Variants in TLR4 observed in about 807,000 individuals in gnomAD.
TLR4 encodes toll-like receptor 4.
TLR4 carries 17 observed loss-of-function variants against 27.4 expected under a neutral mutation model. That is an observed-to-expected ratio of 0.62 (90% CI 0.42 to 0.93). The LOEUF is 0.93. Ranked by LOEUF, TLR4 falls within the 40% of genes least tolerant of loss-of-function variation. TLR4 has a pLI of 0.00. For missense variants in TLR4, 926 were observed against 962.3 expected (o/e 0.96, Z 0.50); for synonymous variants, 363 against 365.7 (o/e 0.99, Z 0.08).
chr9:117,711,633 G>A (rs1829232815), intron 2 of TLR4, among the ~76,000 whole-genome samples: 1 of 151,798 alleles, frequency 6.6e-6, no homozygotes, highest in African/African-American at 2.4e-5. Context: ...GTCAACCTTG[G>A]GGCTTTTGTG....
Position 117,713,079 on chromosome 9 carries a change from T to C in TLR4, c.951T>C (p.Ser317=), listed in dbSNP as rs1564265883. ...ATGTTTCTTCATTTTCCCTGGTGAG[T>C]GTGACTATTGAAAGGGTAAAAGACT... ...LTNVSSFSLV[S]VTIERVKDFS... is the part of the protein sequence containing the mutation. The change falls in exon 3 of 3, where the codon AGT becomes AGC. Residue 317 remains serine, a synonymous_variant. Transcript: ENST00000355622. 6.2e-7 allele frequency: 1 copy of C among 1,613,792 alleles called. No individual in the cohort carries two copies. Among genetic ancestry groups the C allele is most frequent in the East Asian group, 2.2e-5 (1 of 44,854 alleles).
rs1435655615 is a variant in TLR4 at position 117,723,817 on chromosome 9, T to G, written c.*9169T>G. ...TCTAAACTCAAGCACTTTTGTGGAC[T>G]AATCCTTGCAATTATTCTTTCTTCT... is the stretch of plus-strand genomic sequence containing the variant. On this transcript the variant is annotated 3_prime_UTR_variant, in exon 3 of 3. Transcript: ENST00000355622. 1 of 152,214 alleles carries G rather than the reference T, an allele frequency of 6.6e-6. No homozygotes were observed. Among genetic ancestry groups the G allele is most frequent in the African/African-American group, 2.4e-5 (1 of 41,466 alleles). The allele number at this position is 152,214 out of a possible 1,614,324, so 9.4% of individuals were successfully genotyped here. A position where few individuals can be genotyped will look rare whatever the true frequency, so the allele number is the denominator to read the frequency against.
rs201667292 is a variant in TLR4, at chr9:117,714,270, C to A, written c.2142C>A (p.Pro714=). 1.3e-6 allele frequency: 2 copies of A among 1,595,034 alleles called. No homozygotes were observed. The highest frequency in any genetic ancestry group is 1.7e-6 in the Non-Finnish European group (2 of 1,166,336). ...GCCTTCACTACAGAGACTTTATTCCCGGTGTGGCCATTGCTGCCAACATCA... is the reference window on the plus strand; with the variant it reads ...GCCTTCACTACAGAGACTTTATTCCAGGTGTGGCCATTGCTGCCAACATCA... ...QLCLHYRDFI[P]GVAIAANIIH... Residue 714 remains proline (P), a synonymous_variant, in exon 3 of 3, where the codon CCC becomes CCA. Transcript: ENST00000355622.
rs1428123260 is a variant in TLR4, at chr9:117,716,806, G to A, written c.*2158G>A. On this transcript the variant is annotated 3_prime_UTR_variant, in exon 3 of 3. Coordinates refer to ENST00000355622, the MANE Select transcript of TLR4 (RefSeq NM_138554.5). ...CCTTGATTGTGGTGATGGTTTGACA[G>A]GTATGTGACTATGTCTAAACTCATC... The A allele has an allele frequency of 2.0e-5, 3 of 152,124 alleles. No homozygotes were observed. Among genetic ancestry groups the A allele is most frequent in the African/African-American group, 7.2e-5 (3 of 41,416 alleles). 9.4% of individuals were successfully genotyped at this position (152,124 alleles called of 1,614,324 possible).
chr9:117,707,079 A>G (rs1481661128), intron 1 of TLR4, among the ~76,000 whole-genome samples: 1 of 152,230 alleles, frequency 6.6e-6, no homozygotes, highest in Non-Finnish European at 1.5e-5. Flanking sequence ...CTTGCAATGG[A>G]ATACAGGAGA....
At position 117,713,231 on chromosome 9, in the gene TLR4, C is replaced by T; in HGVS notation, c.1103C>T (p.Ser368Leu). 1 of 1,613,988 alleles carries T rather than the reference C, an allele frequency of 6.2e-7. No individual in the cohort carries two copies. The highest frequency in any genetic ancestry group is 1.7e-5 in the Admixed American group (1 of 59,988). The change falls in exon 3 of 3, where the codon TCA (serine) becomes TTA (leucine). Residue 368 changes from serine to leucine, a missense_variant. Coordinates refer to ENST00000355622, the MANE Select transcript of TLR4 (RefSeq NM_138554.5). ...FTSNKGGNAFSEVDLPSLEFL... is the reference protein window; with the variant it reads ...FTSNKGGNAFLEVDLPSLEFL... ...TCCAACAAAGGTGGGAATGCTTTTT[C>T]AGAAGTTGATCTACCAAGCCTTGAG...
Position 117,704,460 on chromosome 9 carries a change from G to A in TLR4, c.-13G>A, listed in dbSNP as rs573714427. ...CCACTGCTGCTCACAGAAGCAGTGA[G>A]GATGATGCCAGGATGATGTCTGCCT... On this transcript the variant is annotated 5_prime_UTR_variant, in exon 1 of 3. Coordinates refer to ENST00000355622, the MANE Select transcript of TLR4 (RefSeq NM_138554.5). The A allele has an allele frequency of 4.3e-6, 7 of 1,611,476 alleles. No individual in the cohort carries two copies. In the African/African-American group the frequency reaches 8.0e-5, roughly 18 times the overall value.
rs763655001 is a variant in TLR4, at chr9:117,704,531, G to C, written c.59G>C (p.Cys20Ser). The change falls in exon 1 of 3, where the codon TGC (cysteine) becomes TCC (serine). Residue 20 changes from cysteine (C) to serine (S), a missense_variant. Cys to Ser is a moderately radical substitution (Grantham distance 112). Coordinates refer to ENST00000355622, the MANE Select transcript of TLR4 (RefSeq NM_138554.5). ...TLIPAMAFLS[C>S]VRPESWEPCV... is the part of the protein sequence containing the mutation. Reference sequence around the variant, plus strand: ...ATCCCAGCCATGGCCTTCCTCTCCTGCGTGAGACCAGAAAGCTGGGAGCCC... The same window carrying C: ...ATCCCAGCCATGGCCTTCCTCTCCTCCGTGAGACCAGAAAGCTGGGAGCCC... 5 of 1,613,948 alleles carry C rather than the reference G, an allele frequency of 3.1e-6. No homozygotes were observed. Among genetic ancestry groups the C allele is most frequent in the Non-Finnish European group, 3.4e-6 (4 of 1,179,968 alleles).
Position 117,721,649 on chromosome 9 carries a change from G to A in TLR4, c.*7001G>A, listed in dbSNP as rs566293472. On this transcript the variant is annotated 3_prime_UTR_variant, in exon 3 of 3. Transcript: ENST00000355622. ...CTAGGTACTAATTATCTATCTTTAT[G>A]ATCTTTATTGCTAGAAATTCTGGTT... The A allele has an allele frequency of 6.6e-6, 1 of 152,218 alleles. No individual in the cohort carries two copies. Among genetic ancestry groups the A allele is most frequent in the Admixed American group, 6.5e-5 (1 of 15,290 alleles). The allele number at this position is 152,218 out of a possible 1,614,324, so 9.4% of individuals were successfully genotyped here. A position where few individuals can be genotyped will look rare whatever the true frequency, so the allele number is the denominator to read the frequency against.
In TLR4 at chr9:117,721,806, G is replaced by T. The variant is rs987483402; in HGVS notation, c.*7158G>T. ...CCACCCACATTTAATATGGTTATTG[G>T]TTTTGTTCTTGAGATTTATTGCTAA... On this transcript the variant is annotated 3_prime_UTR_variant, in exon 3 of 3. Transcript: ENST00000355622. 4 of 152,142 alleles carry T rather than the reference G, an allele frequency of 2.6e-5. No homozygotes were observed. Among genetic ancestry groups the T allele is most frequent in the African/African-American group, 9.7e-5 (4 of 41,436 alleles). The allele number at this position is 152,142 out of a possible 1,614,324, so 9.4% of individuals were successfully genotyped here.
chr9:117,709,070 G>A (rs1374583450), intron 2 of TLR4: 2 of 273,324 alleles, frequency 7.3e-6, no homozygotes, highest in African/African-American at 4.5e-5. Flanking sequence ...AAGAAGACAG[G>A]CATATATTGA....
chr9:117,715,634 C>T lies in TLR4; in HGVS notation c.*986C>T, dbSNP rs55910231. 1.3e-5 allele frequency: 2 copies of T among 152,042 alleles called. No homozygotes were observed. The highest frequency in any genetic ancestry group is 2.9e-5 in the Non-Finnish European group (2 of 67,998). The allele number at this position is 152,042 out of a possible 1,614,324, so 9.4% of individuals were successfully genotyped here. On this transcript the variant is annotated 3_prime_UTR_variant, in exon 3 of 3. Transcript: ENST00000355622. ...CCAGAAACATATGGGCTGATAAACC[C>T]GGGGTGACCTCATGAAATGAGTTGC...
At chr9:117,708,470 A>G in intron 1 of TLR4, 93 bp from the exon 2 acceptor site, 4 of 1,603,342 alleles carry the variant, frequency 2.5e-6, no homozygotes, top group Non-Finnish European at 3.4e-6. Flanking sequence ...TGCTTGCACA[A>G]AAAGAGGCCC....
At chr9:117,708,131 T>A in intron 1 of TLR4, 2 of 952,106 alleles carry the variant, frequency 2.1e-6, no homozygotes, top group Non-Finnish European at 2.5e-6. Flanking sequence ...ACCTACATTT[T>A]ACATATGATA....
At position 117,723,471 on chromosome 9, in the gene TLR4, CTG is replaced by C. The variant is rs1829444605; in HGVS notation, c.*8825_*8826del. On this transcript the variant is annotated 3_prime_UTR_variant, in exon 3 of 3. Coordinates refer to ENST00000355622, the MANE Select transcript of TLR4 (RefSeq NM_138554.5). ...TCTTGATCTCTTTGCTCTTTGGTCT[CTG>C]TTTATCTATGAGATAACGTTATTTT... 1 of 152,102 alleles carries C rather than the reference CTG, an allele frequency of 6.6e-6. No individual in the cohort carries two copies. The highest frequency in any genetic ancestry group is 2.4e-5 in the African/African-American group (1 of 41,406). The allele number at this position is 152,102 out of a possible 1,614,324, so 9.4% of individuals were successfully genotyped here. A position where few individuals can be genotyped will look rare whatever the true frequency, so the allele number is the denominator to read the frequency against.
chr9:117,715,221 G>A lies in TLR4; in HGVS notation c.*573G>A, dbSNP rs1829323057. ...ATTAACACATGCTCACAACCATCCT[G>A]GTCATTCTCGAGCATGTTCTATTTT... On this transcript the variant is annotated 3_prime_UTR_variant, in exon 3 of 3. Transcript: ENST00000355622. 6.5e-6 allele frequency: 1 copy of A among 154,620 alleles called. No individual in the cohort carries two copies. The allele number at this position is 154,620 out of a possible 1,614,324, so 9.6% of individuals were successfully genotyped here.
At chr9:117,712,290 C>A in intron 2 of TLR4, 99 bp from the exon 3 acceptor site, 1 of 1,202,922 alleles carries the variant, frequency 8.3e-7, no homozygotes, top group Non-Finnish European at 1.2e-6. Flanking sequence ...TATGACCCAT[C>A]ACATCTGTAT....
At position 117,722,795 on chromosome 9, in the gene TLR4, T is replaced by C. The variant is rs1458979009; in HGVS notation, c.*8147T>C. On this transcript the variant is annotated 3_prime_UTR_variant, in exon 3 of 3. Coordinates refer to ENST00000355622, the MANE Select transcript of TLR4 (RefSeq NM_138554.5). ...CATTTTCAAAAGTGTGACATGTTAG[T>C]AAATAAGATGATTTTATGTGGTTGA... 4 of 152,224 alleles carry C rather than the reference T, an allele frequency of 2.6e-5. No individual in the cohort carries two copies. Among genetic ancestry groups the C allele is most frequent in the African/African-American group, 9.6e-5 (4 of 41,466 alleles). The allele number at this position is 152,224 out of a possible 1,614,324, so 9.4% of individuals were successfully genotyped here.
At chr9:117,711,685 C>A (rs1257850095) in intron 2 of TLR4, among the ~76,000 whole-genome samples, 3 of 152,118 alleles carry the variant, frequency 2.0e-5, no homozygotes, top group East Asian at 3.9e-4. Context: ...AACTTCTACT[C>A]ATCTTTCAAT....
Sources: gnomAD v4.1 joint callset for allele counts (sites outside exome capture counted in the v4.1 genomes callset) on GRCh38, gnomAD v4.1.1 for gene constraint, MANE v1.5 for transcripts, NCBI Gene and HGNC (gene_info 2026-07-23, HGNC 2026-07-21) for gene names.